Variants in FAM13C observed in about 807,000 individuals in gnomAD.
FAM13C encodes family with sequence similarity 13 member C, also known as protein FAM13C.
Under a neutral mutation model 73.2 loss-of-function variants are expected in FAM13C, and 37 were observed. The observed-to-expected ratio is 0.51, with a 90% CI of 0.39 to 0.67. The LOEUF is 0.67. Among genes scored for constraint, FAM13C ranks in the 30% least tolerant of loss-of-function variants. The pLI, the probability that FAM13C is intolerant of heterozygous loss-of-function variation, is 0.00. For missense variants in FAM13C, 589 were observed against 715.6 expected, an observed-to-expected ratio of 0.82 and a Z score of 2.02; for synonymous variants, 246 against 260.9, an observed-to-expected ratio of 0.94 and a Z score of 0.55.
At chr10:59,347,172 C>T (rs1854403775) in intron 3 of FAM13C, among the ~76,000 whole-genome samples, 1 of 152,122 alleles carries the variant, frequency 6.6e-6, no homozygotes, top group South Asian at 2.1e-4. Flanking sequence ...TATTTGGGGG[C>T]ATTCTTGCAT....
At chr10:59,362,371 T>C in intron 1 of FAM13C, 28 bp downstream of exon 1, 1 of 1,612,018 alleles carries the variant, frequency 6.2e-7, no homozygotes, top group Non-Finnish European at 8.5e-7. Flanking sequence ...GGCATGCAAG[T>C]CTAATTTTAA....
intron 10 of FAM13C, 48 bp downstream of exon 10, chr10:59,262,386 C>T (rs999679880): frequency 2.6e-6 from 4 of 1,518,782 alleles, no homozygotes; most frequent in Non-Finnish European, 2.7e-6. Flanking sequence ...CTCATTAGCA[C>T]TGTGTGGACT....
intron 4 of FAM13C, 89 bp downstream of exon 4, chr10:59,323,899 C>T: frequency 8.8e-7 from 1 of 1,139,334 alleles, no homozygotes; most frequent in Non-Finnish European, 1.3e-6. Context: ...GTCAGAAAGC[C>T]TTGCCTCTTG....
intron 11 of FAM13C, chr10:59,253,751 A>G (rs890262186): frequency 2.1e-4 from 32 of 152,390 alleles, no homozygotes; most frequent in African/African-American, 7.5e-4. Flanking sequence ...ATTCCTTTTT[A>G]TATTGATATC....
chr10:59,337,518 T>C (rs1852872583), intron 3 of FAM13C, among the ~76,000 whole-genome samples: 2 of 152,178 alleles, frequency 1.3e-5, no homozygotes. Flanking sequence ...AAAGCACAAA[T>C]GATTGCCAGA....
chr10:59,348,343 ACT>A (rs949715049), intron 3 of FAM13C, among the ~76,000 whole-genome samples: 6 of 152,074 alleles, frequency 3.9e-5, no homozygotes, highest in Non-Finnish European at 7.4e-5. Context: ...AAACAGAACC[ACT>A]CTCTCAACCA....
rs554786201 is a variant in FAM13C at position 59,307,497 on chromosome 10, A to G, written c.444-4633T>C. On this transcript the variant is annotated intron_variant, in intron 4 of 13. Coordinates refer to ENST00000618804, the MANE Select transcript of FAM13C (RefSeq NM_198215.4). The stretch of plus-strand genomic sequence containing the variant: ...ATCATCAAGGTCATCATATGAGACT[A>G]GCATTATTATATCTATTTCACCTAA... Among the ~76,000 whole-genome samples the G allele has an allele frequency of 9.8e-5, 15 of 152,342 alleles. 1 individual carries two copies. In the South Asian group the frequency reaches 2.5e-3, roughly 25 times the overall value.
chr10:59,293,711 G>T (rs1275888273), intron 5 of FAM13C, among the ~76,000 whole-genome samples: 1 of 152,146 alleles, frequency 6.6e-6, no homozygotes, highest in Non-Finnish European at 1.5e-5. Context: ...GCCAAGGCTA[G>T]GAAGGCCAGA....
rs1852347501 is a variant in FAM13C at position 59,333,863 on chromosome 10, T to A, written c.325-9757A>T. ...TTTCAACACTAGGCTCTCCTTATAT[T>A]CTTGTATCAACAAGGGACGTCTCTG... On this transcript the variant is annotated intron_variant, in intron 3 of 13. Transcript: ENST00000618804. Among the ~76,000 whole-genome samples, 3 of 152,226 alleles carry A rather than the reference T, an allele frequency of 2.0e-5. No individual in the cohort carries two copies. The South Asian group carries it at 6.2e-4, about 32-fold the overall frequency.
intron 2 of FAM13C, among the ~76,000 whole-genome samples, chr10:59,353,228 AC>A (rs1279345048): frequency 1.3e-5 from 2 of 151,868 alleles, no homozygotes; most frequent in South Asian, 2.1e-4. Flanking sequence ...CAATATCCCT[AC>A]CCCCCTCCAG....
chr10:59,304,727 T>C (rs1847997636), intron 4 of FAM13C, among the ~76,000 whole-genome samples: 1 of 121,540 alleles, frequency 8.2e-6, no homozygotes, highest in Non-Finnish European at 1.7e-5. Flanking sequence ...GAAACAAGCC[T>C]GCACTTGTAC....
intron 6 of FAM13C, among the ~76,000 whole-genome samples, chr10:59,275,868 C>T (rs568109436): frequency 6.6e-6 from 1 of 152,142 alleles, no homozygotes; most frequent in Non-Finnish European, 1.5e-5. Context: ...AACTACCTGG[C>T]AGTTTGGGCT....
At position 59,344,247 on chromosome 10, in the gene FAM13C, C is replaced by A. The variant is rs553035698; in HGVS notation, c.324+8023G>T. 3.9e-4 allele frequency among the ~76,000 whole-genome samples: 59 copies of A among 150,154 alleles called. No homozygotes were observed. The South Asian group carries it at 8.2e-3, about 21-fold the overall frequency. ...AAAGTGCTGGGATTACAGGCATGAG[C>A]CGCCGCGCCCGGCCTCTATAAACTA... On this transcript the variant is annotated intron_variant, in intron 3 of 13. Transcript: ENST00000618804.
At chr10:59,274,543 G>T (rs1844108906) in intron 6 of FAM13C, among the ~76,000 whole-genome samples, 1 of 152,132 alleles carries the variant, frequency 6.6e-6, no homozygotes, top group Non-Finnish European at 1.5e-5. Context: ...AGCTGGAGGG[G>T]TGGGAAATTT....
chr10:59,324,688 A>G (rs1404392404), intron 3 of FAM13C, among the ~76,000 whole-genome samples: 2 of 152,178 alleles, frequency 1.3e-5, no homozygotes, highest in African/African-American at 4.8e-5. Flanking sequence ...TCATCTAAAA[A>G]CTAAAGAACA....
intron 10 of FAM13C, among the ~76,000 whole-genome samples, chr10:59,260,695 C>T (rs938142873): frequency 8.5e-5 from 13 of 152,130 alleles, no homozygotes; most frequent in Non-Finnish European, 7.4e-5. Context: ...CCCAGGACAA[C>T]ATGAACTACA....
intron 6 of FAM13C, among the ~76,000 whole-genome samples, chr10:59,274,133 C>T (rs1339529477): frequency 1.3e-5 from 2 of 152,160 alleles, no homozygotes; most frequent in Non-Finnish European, 2.9e-5. Context: ...CAACCAGCCT[C>T]TCTCAGGACA....
intron 5 of FAM13C, chr10:59,297,066 TTCC>T (rs1219779478): frequency 6.6e-6 from 1 of 152,214 alleles, no homozygotes; most frequent in African/African-American, 2.4e-5. Context: ...ATGCCTAGTG[TTCC>T]ATTATTGGAA....
intron 6 of FAM13C, among the ~76,000 whole-genome samples, chr10:59,280,847 G>T (rs1170872027): frequency 2.0e-5 from 3 of 152,180 alleles, no homozygotes; most frequent in African/African-American, 7.2e-5. Flanking sequence ...AGCCAATCAA[G>T]TCTATAGTGA....
Sources: gnomAD v4.1 joint callset for allele counts (sites outside exome capture counted in the v4.1 genomes callset) on GRCh38, gnomAD v4.1.1 for gene constraint, MANE v1.5 for transcripts, NCBI Gene and HGNC (gene_info 2026-07-23, HGNC 2026-07-21) for gene names.